MAP6: variants seen among roughly 807,000 people sequenced by gnomAD.
MAP6 encodes microtubule associated protein 6.
In MAP6, 26 loss-of-function variants were observed where a neutral mutation model predicts 42.4. That is an observed-to-expected ratio of 0.61 (90% CI 0.45 to 0.85). The LOEUF (loss-of-function observed/expected upper bound fraction) is 0.85. Ranked by LOEUF, MAP6 falls within the 40% of genes least tolerant of loss-of-function variation. The probability of loss-of-function intolerance (pLI) is 0.00; values close to 1 mark genes in which losing one functional copy is unlikely to be tolerated. For synonymous variants in MAP6, 418 were observed against 443.8 expected, an observed-to-expected ratio of 0.94 and a Z score of 0.73; for missense variants, 966 against 1,099.0, an observed-to-expected ratio of 0.88 and a Z score of 1.71.
At chr11:75,603,195 G>T in intron 3 of MAP6, 1 of 985,516 alleles carries the variant, frequency 1.0e-6, no homozygotes, top group Non-Finnish European at 1.2e-6. Flanking sequence ...GGCTGCTTTT[G>T]CAGGCAGGGA....
chr11:75,625,170 TAAG>T (rs1438580789), intron 1 of MAP6, among the ~76,000 whole-genome samples: 2 of 152,062 alleles, frequency 1.3e-5, no homozygotes, highest in East Asian at 1.9e-4. Flanking sequence ...CCAGCATTCA[TAAG>T]AAGATCATCC....
chr11:75,659,407 G>A (rs1394206997), intron 1 of MAP6, among the ~76,000 whole-genome samples: 8 of 152,268 alleles, frequency 5.3e-5, no homozygotes, highest in South Asian at 4.2e-4. Flanking sequence ...GCGTGAACCC[G>A]GGAGGCAGAG....
intron 1 of MAP6, among the ~76,000 whole-genome samples, chr11:75,638,142 C>T (rs1943402944): frequency 2.0e-5 from 3 of 151,946 alleles, no homozygotes. Flanking sequence ...CTTGACTGGG[C>T]CTGGATCTGC....
chr11:75,655,440 G>A (rs1285951771), intron 1 of MAP6, among the ~76,000 whole-genome samples: 4 of 152,206 alleles, frequency 2.6e-5, no homozygotes, highest in Non-Finnish European at 4.4e-5. Context: ...AGGTCCATAT[G>A]ATTTTAACGT....
intron 1 of MAP6, chr11:75,636,218 TG>T (rs1943366823): frequency 6.6e-6 from 1 of 152,230 alleles, no homozygotes; most frequent in Admixed American, 6.5e-5. Flanking sequence ...AGAATAAACA[TG>T]GTTCAGAGGG....
At chr11:75,624,949 A>G (rs1414299382) in intron 1 of MAP6, among the ~76,000 whole-genome samples, 1 of 152,178 alleles carries the variant, frequency 6.6e-6, no homozygotes, top group Non-Finnish European at 1.5e-5. Flanking sequence ...GAGTAACAAA[A>G]AGATGTGAAC....
At position 75,668,414 on chromosome 11, in the gene MAP6, A is replaced by G; in HGVS notation, c.-45T>C. ...GCCTCCTCTTTCTTCTTGTGGTTCT[A>G]AAGCAAGTCTCTATAATCTTCCTTC... is the stretch of plus-strand genomic sequence containing the variant. On this transcript the variant is annotated 5_prime_UTR_variant, in exon 1 of 4. Transcript: ENST00000304771. 1 of 1,551,346 alleles carries G rather than the reference A, an allele frequency of 6.4e-7. No individual in the cohort carries two copies. Among genetic ancestry groups the G allele is most frequent in the Admixed American group, 1.8e-5 (1 of 55,452 alleles).
chr11:75,623,629 C>T (rs575681094), intron 1 of MAP6, among the ~76,000 whole-genome samples: 23 of 152,250 alleles, frequency 1.5e-4, no homozygotes, highest in Non-Finnish European at 1.8e-4. Flanking sequence ...CCCATCTCTG[C>T]GTCCCTGGTG....
intron 1 of MAP6, among the ~76,000 whole-genome samples, chr11:75,666,807 AT>A (rs1317974585): frequency 6.6e-6 from 1 of 152,258 alleles, no homozygotes; most frequent in Admixed American, 6.5e-5. Context: ...TACCAATTAC[AT>A]CTTACAGATA....
At position 75,667,510 on chromosome 11, in the gene MAP6, C is replaced by A. The variant is rs951334001; in HGVS notation, c.860G>T (p.Arg287Leu). ...RGRAAADALN[R>L]QIREEVASAV... ...ACTCGCCACCTCCTCGCGGATTTGC[C>A]GGTTGAGGGCGTCCGCCGCGGCGCG... Residue 287 changes from arginine (R) to leucine (L), a missense_variant, in exon 1 of 4, where the codon CGG (arginine) becomes CTG (leucine). By Grantham distance (102) the Arg-to-Leu change is moderately radical. Coordinates refer to ENST00000304771, the MANE Select transcript of MAP6 (RefSeq NM_033063.2). This position sits in a 1 kb window ranked among gnomAD's most constrained non-coding sequence, Gnocchi z 5.6. The A allele has an allele frequency of 6.6e-7, 1 of 1,506,542 alleles. No homozygotes were observed. The highest frequency in any genetic ancestry group is 8.8e-7 in the Non-Finnish European group (1 of 1,136,910). The allele number at this position is 1,506,542 out of a possible 1,614,324, so 93.3% of individuals were successfully genotyped here.
Position 75,658,320 on chromosome 11 carries a change from T to C in MAP6, c.905+9145A>G, listed in dbSNP as rs528979377. ...TTTCATTCTGTACCGAACATCTCCA[T>C]GTAGACCTTCCAAAGACACCCCAAA... On this transcript the variant is annotated intron_variant, in intron 1 of 3. Coordinates refer to ENST00000304771, the MANE Select transcript of MAP6 (RefSeq NM_033063.2). Among the ~76,000 whole-genome samples, 7 of 152,230 alleles carry C rather than the reference T, an allele frequency of 4.6e-5. No homozygotes were observed. In the South Asian group the frequency reaches 1.2e-3, roughly 27 times the overall value.
At chr11:75,643,233 T>A (rs1052667739) in intron 1 of MAP6, among the ~76,000 whole-genome samples, 6 of 150,528 alleles carry the variant, frequency 4.0e-5, no homozygotes, top group Non-Finnish European at 4.4e-5. Context: ...TATATATATA[T>A]AAATATATAA....
At chr11:75,619,705 T>C (rs560211583) in intron 1 of MAP6, among the ~76,000 whole-genome samples, 1 of 152,358 alleles carries the variant, frequency 6.6e-6, no homozygotes, top group South Asian at 2.1e-4. Flanking sequence ...ATGTATCACA[T>C]TTTCTTTATC....
chr11:75,589,313 A>G (rs1172503902), intron 3 of MAP6, among the ~76,000 whole-genome samples: 1 of 152,194 alleles, frequency 6.6e-6, no homozygotes, highest in Admixed American at 6.5e-5. Flanking sequence ...CTCAAAGGCA[A>G]GCATTGCCAC....
In MAP6 at chr11:75,667,668, G is replaced by T; in HGVS notation, c.702C>A (p.Asp234Glu). 7.9e-7 allele frequency: 1 copy of T among 1,263,068 alleles called. No individual in the cohort carries two copies. The allele number at this position is 1,263,068 out of a possible 1,614,324, so 78.2% of individuals were successfully genotyped here. Reference sequence around the variant, plus strand: ...CGGCCTTCCTGCGCGTGTCGCGCTCGTCCGCCCCGGACGCCTTTCCGGCCG... The same window carrying T: ...CGGCCTTCCTGCGCGTGTCGCGCTCTTCCGCCCCGGACGCCTTTCCGGCCG... Reference protein sequence around the residue: ...GLAAGKASGADERDTRRKAGP... With the variant: ...GLAAGKASGAEERDTRRKAGP... The change falls in exon 1 of 4, where the codon GAC (aspartate) becomes GAA (glutamate). Residue 234 changes from aspartate to glutamate, a missense_variant. Physicochemically the swap from Asp to Glu is conservative, Grantham distance 45. This residue lies in a region of MAP6 where 943 missense variants were observed against 1,049.9 expected (regional missense o/e 0.90). Transcript: ENST00000304771. This position sits in a 1 kb window ranked among gnomAD's most constrained non-coding sequence, Gnocchi z 5.6.
chr11:75,621,864 A>G (rs1265311541), intron 1 of MAP6, among the ~76,000 whole-genome samples: 1 of 152,120 alleles, frequency 6.6e-6, no homozygotes, highest in Non-Finnish European at 1.5e-5. Flanking sequence ...CTCTACTAAA[A>G]ATACAAAAAT....
At chr11:75,648,357 G>A (rs182552409) in intron 1 of MAP6, among the ~76,000 whole-genome samples, 3 of 152,260 alleles carry the variant, frequency 2.0e-5, no homozygotes, top group Non-Finnish European at 4.4e-5. Flanking sequence ...AACTAGCCAG[G>A]TGGAGTGGTG....
intron 1 of MAP6, among the ~76,000 whole-genome samples, chr11:75,666,233 C>T (rs1405380079): frequency 2.6e-5 from 4 of 152,014 alleles, no homozygotes; most frequent in Non-Finnish European, 5.9e-5. Context: ...GTTGCATGTC[C>T]AGAGTCAACT....
At chr11:75,639,787 G>C (rs942989242) in intron 1 of MAP6, among the ~76,000 whole-genome samples, 1 of 152,182 alleles carries the variant, frequency 6.6e-6, no homozygotes, top group Non-Finnish European at 1.5e-5. Flanking sequence ...GCAGGAGAGA[G>C]AGACAGACAC....
Sources: gnomAD v4.1 joint callset for allele counts (sites outside exome capture counted in the v4.1 genomes callset) on GRCh38, gnomAD v4.1.1 for gene constraint, gnomAD v4.1.1 regional missense constraint, Gnocchi (gnomAD v3.1) non-coding constraint, MANE v1.5 for transcripts, NCBI Gene and HGNC (gene_info 2026-07-23, HGNC 2026-07-21) for gene names.